Variants in ADAM22 observed in about 807,000 individuals in gnomAD.
The protein encoded by ADAM22 is ADAM metallopeptidase domain 22.
ADAM22 carries 65 observed loss-of-function variants against 144.6 expected under a neutral mutation model. The observed-to-expected ratio is 0.45, with a 90% confidence interval of 0.37 to 0.55. ADAM22 has a LOEUF of 0.55. Among genes scored for constraint, ADAM22 ranks in the 20% least tolerant of loss-of-function variants. ADAM22 has a pLI of 0.00. For synonymous variants in ADAM22, 391 were observed against 412.6 expected (o/e 0.95, Z 0.63); for missense variants, 974 against 1,184.9 (o/e 0.82, Z 2.61).
At chr7:88,029,454 A>G (rs989652015) in intron 3 of ADAM22, among the ~76,000 whole-genome samples, 9 of 152,038 alleles carry the variant, frequency 5.9e-5, no homozygotes, top group Admixed American at 1.3e-4. Context: ...TGTAATTATT[A>G]CTTTTAATCA....
intron 2 of ADAM22, among the ~76,000 whole-genome samples, chr7:87,954,142 A>T (rs927759549): frequency 6.6e-6 from 1 of 151,630 alleles, no homozygotes; most frequent in African/African-American, 2.4e-5. Context: ...GTCCATTTAC[A>T]TTTAAAGTTA....
In ADAM22 at chr7:88,057,191, C is replaced by G. The variant is rs569008208; in HGVS notation, c.324-18435C>G. Among the ~76,000 whole-genome samples, 11 of 151,780 alleles carry G rather than the reference C, an allele frequency of 7.2e-5. 2 individuals are homozygous for G. The South Asian group carries it at 1.9e-3, about 26-fold the overall frequency. On this transcript the variant is annotated intron_variant, in intron 3 of 31. Transcript: ENST00000413139. The stretch of plus-strand genomic sequence containing the variant: ...TCCAGGCTGGTTTTGAACTCCTGGG[C>G]TCAAGCAATCCTCCTGTATTGGCCT...
intron 3 of ADAM22, among the ~76,000 whole-genome samples, chr7:88,051,700 TAATA>T (rs1363433135): frequency 6.6e-6 from 1 of 151,798 alleles, no homozygotes; most frequent in Non-Finnish European, 1.5e-5. Flanking sequence ...TAAAGTATAA[TAATA>T]AATAAAAAAA....
rs970986872 is a variant in ADAM22, at chr7:88,197,912, A to G, written c.*1421A>G. 4.6e-5 allele frequency: 7 copies of G among 152,210 alleles called. No individual in the cohort carries two copies. The highest frequency in any genetic ancestry group is 1.2e-4 in the African/African-American group (5 of 41,446). 9.4% of individuals were successfully genotyped at this position (152,210 alleles called of 1,614,324 possible). On this transcript the variant is annotated 3_prime_UTR_variant, in exon 32 of 32. Transcript: ENST00000413139. ...GAAAGAATCTGATGCTTTGAAACAT[A>G]TATTTTTAATCCATAGGAAAATAAG...
At chr7:88,069,274 CCTT>C (rs1238882852) in intron 3 of ADAM22, among the ~76,000 whole-genome samples, 1 of 151,964 alleles carries the variant, frequency 6.6e-6, no homozygotes, top group East Asian at 1.9e-4. Flanking sequence ...CTCCTTCTCT[CCTT>C]CTACCATATG....
intron 8 of ADAM22, among the ~76,000 whole-genome samples, chr7:88,127,195 G>C (rs1405599056): frequency 6.6e-6 from 1 of 151,568 alleles, no homozygotes; most frequent in Admixed American, 6.6e-5. Context: ...GTATTTTTTT[G>C]AATTATGGAC....
chr7:88,084,275 A>G (rs1232167568), intron 4 of ADAM22, among the ~76,000 whole-genome samples: 1 of 152,138 alleles, frequency 6.6e-6, no homozygotes, highest in Non-Finnish European at 1.5e-5. Flanking sequence ...TTTGCTGCAC[A>G]ATCTTTGCTG....
chr7:88,143,097 G>C lies in ADAM22; in HGVS notation c.1292G>C (p.Gly431Ala). Residue 431 changes from glycine to alanine, a missense_variant, in exon 15 of 32, where the codon GGT becomes GCT. Physicochemically the swap from Gly to Ala is moderately conservative, Grantham distance 60 (BLOSUM62 0). Around this residue, in one of 2 missense-constraint regions of ADAM22, gnomAD observed 734 missense variants for 950.6 expected, o/e 0.77. Transcript: ENST00000413139. ...CATGACTTCCTGAATAGTGGAGGTGGTGCCTGCCTTTTCAACAAACCTTCT... is the reference window on the plus strand; with the variant it reads ...CATGACTTCCTGAATAGTGGAGGTGCTGCCTGCCTTTTCAACAAACCTTCT... ...EYHDFLNSGG[G>A]ACLFNKPSKL... 6.2e-7 allele frequency: 1 copy of C among 1,612,422 alleles called. No homozygotes were observed. The highest frequency in any genetic ancestry group is 8.5e-7 in the Non-Finnish European group (1 of 1,178,886).
chr7:88,066,320 A>T (rs1294886640), intron 3 of ADAM22, among the ~76,000 whole-genome samples: 1 of 152,112 alleles, frequency 6.6e-6, no homozygotes, highest in Non-Finnish European at 1.5e-5. Flanking sequence ...TATCAGTTCC[A>T]TATATGATTT....
At chr7:88,010,849 C>A (rs1334579995) in intron 3 of ADAM22, among the ~76,000 whole-genome samples, 2 of 152,192 alleles carry the variant, frequency 1.3e-5, no homozygotes, top group Non-Finnish European at 2.9e-5. Flanking sequence ...AAGTCATCAA[C>A]TGATGAAACC....
In ADAM22 at chr7:88,199,271, A is replaced by G. The variant is rs1279826393; in HGVS notation, c.*2780A>G. 3 of 152,336 alleles carry G rather than the reference A, an allele frequency of 2.0e-5. No homozygotes were observed. Among genetic ancestry groups the G allele is most frequent in the East Asian group, 3.9e-4 (2 of 5,182 alleles). The allele number at this position is 152,336 out of a possible 1,614,324, so 9.4% of individuals were successfully genotyped here. A position where few individuals can be genotyped will look rare whatever the true frequency, so the allele number is the denominator to read the frequency against. On this transcript the variant is annotated 3_prime_UTR_variant, in exon 32 of 32. Transcript: ENST00000413139. ...CTACAAAATCATTGCTAAGCAGAAG[A>G]GAGCAGTTATTTGGCCTTTATGTTC...
chr7:88,121,126 A>G (rs940558004), intron 7 of ADAM22, among the ~76,000 whole-genome samples: 2 of 152,080 alleles, frequency 1.3e-5, no homozygotes, highest in Non-Finnish European at 2.9e-5. Flanking sequence ...CCCTTATCAC[A>G]CTTTGTTTTG....
intron 3 of ADAM22, among the ~76,000 whole-genome samples, chr7:87,979,683 G>A (rs1852830497): frequency 6.6e-6 from 1 of 152,068 alleles, no homozygotes; most frequent in South Asian, 2.1e-4. Flanking sequence ...CTTCACTGAT[G>A]TATCCTTAAT....
chr7:87,964,275 C>T (rs904414332), intron 2 of ADAM22, among the ~76,000 whole-genome samples: 1 of 152,204 alleles, frequency 6.6e-6, no homozygotes, highest in Non-Finnish European at 1.5e-5. Context: ...CACACAAGCA[C>T]TGTTGGATGT....
At chr7:88,119,252 C>T (rs1292511611) in intron 7 of ADAM22, among the ~76,000 whole-genome samples, 2 of 152,228 alleles carry the variant, frequency 1.3e-5, no homozygotes, top group Admixed American at 6.5e-5. Context: ...TACATACCTA[C>T]ACTCTTGTTG....
At chr7:87,974,727 T>A (rs1011100233) in intron 2 of ADAM22, among the ~76,000 whole-genome samples, 1 of 152,186 alleles carries the variant, frequency 6.6e-6, no homozygotes, top group African/African-American at 2.4e-5. Flanking sequence ...ACTTATTGTC[T>A]TACAACTGTG....
At chr7:88,041,419 G>C (rs1327744440) in intron 3 of ADAM22, among the ~76,000 whole-genome samples, 2 of 151,618 alleles carry the variant, frequency 1.3e-5, no homozygotes, top group Non-Finnish European at 2.9e-5. Flanking sequence ...GTGCATGTTT[G>C]TGGAAAACTA....
At chr7:88,009,933 G>A (rs1432273451) in intron 3 of ADAM22, among the ~76,000 whole-genome samples, 1 of 152,138 alleles carries the variant, frequency 6.6e-6, no homozygotes, top group African/African-American at 2.4e-5. Context: ...CAATAGTGAT[G>A]TGAACCACGT....
rs756777242 is a variant in ADAM22, at chr7:88,108,088, G to A, written c.391-88G>A. On this transcript the variant is annotated intron_variant, in intron 4 of 31. Transcript: ENST00000413139. ...ATCATGCAGAGTTCTAGATGTGGAG[G>A]TGCATTGTGAGTAGAAACCTCCTGT... is the stretch of plus-strand genomic sequence containing the variant. 846 of 904,704 alleles carry A rather than the reference G, an allele frequency of 9.4e-4. 2 individuals are homozygous for A. Among genetic ancestry groups the A allele is most frequent in the Non-Finnish European group, 1.0e-3 (587 of 569,720 alleles). The allele number at this position is 904,704 out of a possible 1,614,324, so 56.0% of individuals were successfully genotyped here.
Sources: gnomAD v4.1 joint callset for allele counts (sites outside exome capture counted in the v4.1 genomes callset) on GRCh38, gnomAD v4.1.1 for gene constraint, gnomAD v4.1.1 regional missense constraint, MANE v1.5 for transcripts, NCBI Gene and HGNC (gene_info 2026-07-23, HGNC 2026-07-21) for gene names.